Variants in BRIP1 observed in about 807,000 individuals in gnomAD.
BRIP1 encodes the protein BRCA1 interacting DNA helicase 1.
A neutral mutation model predicts 119.7 loss-of-function variants in BRIP1; 88 were observed. That is an observed-to-expected ratio of 0.74 (90% CI 0.62 to 0.88). The LOEUF (loss-of-function observed/expected upper bound fraction) is 0.88. BRIP1 is among the 40% of genes least tolerant of loss of function. BRIP1 has a pLI of 0.00. For missense variants in BRIP1, 1,259 were observed against 1,455.4 expected, an observed-to-expected ratio of 0.87 and a Z score of 2.20; for synonymous variants, 443 against 496.5, an observed-to-expected ratio of 0.89 and a Z score of 1.43.
At chr17:61,696,580 G>A (rs1429932847) in intron 17 of BRIP1, among the ~76,000 whole-genome samples, 1 of 151,690 alleles carries the variant, frequency 6.6e-6, no homozygotes, top group African/African-American at 2.4e-5. Flanking sequence ...ATTTGATCAT[G>A]AGGCTGAGGC....
Position 61,831,685 on chromosome 17 carries a change from C to T in BRIP1, c.627+15416G>A, listed in dbSNP as rs1369170354. On this transcript the variant is annotated intron_variant, in intron 6 of 19. Coordinates refer to ENST00000259008, the MANE Select transcript of BRIP1 (RefSeq NM_032043.3). The surrounding 1 kb of genome is among the most constrained non-coding windows in gnomAD (Gnocchi z 4.1). ...CACCTTTTGGCTATTGTGAATAACA[C>T]TCCTATGAACACTGGTGTACAAGTA... Among the ~76,000 whole-genome samples, 1 of 152,182 alleles carries T rather than the reference C, an allele frequency of 6.6e-6. No homozygotes were observed. The highest frequency in any genetic ancestry group is 2.4e-5 in the African/African-American group (1 of 41,450).
intron 17 of BRIP1, among the ~76,000 whole-genome samples, chr17:61,702,616 G>A (rs2061631452): frequency 6.6e-6 from 1 of 152,138 alleles, no homozygotes; most frequent in African/African-American, 2.4e-5. Context: ...CTCCATCCAT[G>A]TTGCTGCAAA....
rs1023561164 is a variant in BRIP1 at position 61,816,833 on chromosome 17, T to G, written c.628-8076A>C. ...GGAAAATATCTTCTTTAAATAAGAA[T>G]GCCAGCTAAGAATTGTAAATAAAAT... On this transcript the variant is annotated intron_variant, in intron 6 of 19. Transcript: ENST00000259008. The surrounding 1 kb of genome is among the most constrained non-coding windows in gnomAD (Gnocchi z 5.0). 7.9e-5 allele frequency among the ~76,000 whole-genome samples: 12 copies of G among 152,176 alleles called. No individual in the cohort carries two copies. Among genetic ancestry groups the G allele is most frequent in the African/African-American group, 2.7e-4 (11 of 41,434 alleles).
At position 61,738,921 on chromosome 17, in the gene BRIP1, C is replaced by T. The variant is rs7212423; in HGVS notation, c.2379+4092G>A. 0.77 allele frequency: 118,196 copies of T among 152,700 alleles called. 46,378 individuals are homozygous for T. The highest frequency in any genetic ancestry group is 0.84 in the African/African-American group (35,029 of 41,542). 9.5% of individuals were successfully genotyped at this position (152,700 alleles called of 1,614,324 possible). On this transcript the variant is annotated intron_variant, in intron 16 of 19. Transcript: ENST00000259008. This position sits in a 1 kb window ranked among gnomAD's most constrained non-coding sequence, Gnocchi z 4.2. ...AGAATTATAATCTTGATGATCCTTT[C>T]AGGCCTTGTTACTTTGTACGTATAA...
In BRIP1 at chr17:61,818,479, C is replaced by T. The variant is rs533693136; in HGVS notation, c.628-9722G>A. Among the ~76,000 whole-genome samples the T allele has an allele frequency of 1.6e-4, 24 of 152,252 alleles. No individual in the cohort carries two copies. The South Asian group carries it at 5.0e-3, about 32-fold the overall frequency. Reference sequence around the variant, plus strand: ...TTGATTAATTACAGAAAATAGGCCACATCATTTGGTAGATTTTAGGCTTCC... The same window carrying T: ...TTGATTAATTACAGAAAATAGGCCATATCATTTGGTAGATTTTAGGCTTCC... On this transcript the variant is annotated intron_variant, in intron 6 of 19. Transcript: ENST00000259008.
Position 61,860,791 on chromosome 17 carries a change from C to T in BRIP1, c.93+656G>A, listed in dbSNP as rs992335659. 6.6e-6 allele frequency among the ~76,000 whole-genome samples: 1 copy of T among 151,964 alleles called. No homozygotes were observed. The highest frequency in any genetic ancestry group is 1.5e-5 in the Non-Finnish European group (1 of 67,996). On this transcript the variant is annotated intron_variant, in intron 2 of 19. Coordinates refer to ENST00000259008, the MANE Select transcript of BRIP1 (RefSeq NM_032043.3). The surrounding 1 kb of genome is among the most constrained non-coding windows in gnomAD (Gnocchi z 4.1). Reference sequence around the variant, plus strand: ...GTATATTCATCCAATGGAATTTATACAACAATTAAAATGGATTAAGAATCA... The same window carrying T: ...GTATATTCATCCAATGGAATTTATATAACAATTAAAATGGATTAAGAATCA...
Position 61,722,293 on chromosome 17 carries a change from G to A in BRIP1, c.2380-6230C>T, listed in dbSNP as rs1415779458. On this transcript the variant is annotated intron_variant, in intron 16 of 19. Transcript: ENST00000259008. This position sits in a 1 kb window ranked among gnomAD's most constrained non-coding sequence, Gnocchi z 4.6. ...CCAGACCTGGTGATCCCTCTGCCTC[G>A]GCTTCCCAAAGGGCTGAGATTACAG... is the stretch of plus-strand genomic sequence containing the variant. 1.3e-5 allele frequency among the ~76,000 whole-genome samples: 2 copies of A among 151,854 alleles called. No homozygotes were observed. Among genetic ancestry groups the A allele is most frequent in the African/African-American group, 2.4e-5 (1 of 41,318 alleles).
At position 61,809,259 on chromosome 17, in the gene BRIP1, A is replaced by C. The variant is rs2078126954; in HGVS notation, c.628-502T>G. On this transcript the variant is annotated intron_variant, in intron 6 of 19. Coordinates refer to ENST00000259008, the MANE Select transcript of BRIP1 (RefSeq NM_032043.3). This position sits in a 1 kb window ranked among gnomAD's most constrained non-coding sequence, Gnocchi z 5.2. ...ATTATCAAGTTGAATCTAAAGGATC[A>C]CTTAACAACTTCAAAAAGAGAAAAT... 6.6e-6 allele frequency among the ~76,000 whole-genome samples: 1 copy of C among 152,214 alleles called. No individual in the cohort carries two copies. Among genetic ancestry groups the C allele is most frequent in the African/African-American group, 2.4e-5 (1 of 41,470 alleles).
rs940230898 is a variant in BRIP1 at position 61,701,629 on chromosome 17, C to A, written c.2493-8117G>T. On this transcript the variant is annotated intron_variant, in intron 17 of 19. Transcript: ENST00000259008. The surrounding 1 kb of genome is among the most constrained non-coding windows in gnomAD (Gnocchi z 5.1). ...TGCACTCTCCTACACATATGCATGGCCCACTAAAATCCCAGGAATATGTCA... is the reference window on the plus strand; with the variant it reads ...TGCACTCTCCTACACATATGCATGGACCACTAAAATCCCAGGAATATGTCA... 6.6e-6 allele frequency among the ~76,000 whole-genome samples: 1 copy of A among 152,192 alleles called. No individual in the cohort carries two copies. The highest frequency in any genetic ancestry group is 2.4e-5 in the African/African-American group (1 of 41,436).
At chr17:61,702,876 T>C (rs1057428373) in intron 17 of BRIP1, among the ~76,000 whole-genome samples, 1 of 152,044 alleles carries the variant, frequency 6.6e-6, no homozygotes, top group African/African-American at 2.4e-5. Context: ...CTTTCAGAAA[T>C]CAACAAACTG....
chr17:61,827,590 G>A lies in BRIP1; in HGVS notation c.628-18833C>T, dbSNP rs1049954627. ...TAAAAATACAAAAAATTAGCCAGGC[G>A]TGGGGGCACACACCTGTAATCCCAG... On this transcript the variant is annotated intron_variant, in intron 6 of 19. Transcript: ENST00000259008. This position sits in a 1 kb window ranked among gnomAD's most constrained non-coding sequence, Gnocchi z 5.8. 2.6e-5 allele frequency among the ~76,000 whole-genome samples: 4 copies of A among 152,030 alleles called. No homozygotes were observed. The highest frequency in any genetic ancestry group is 1.9e-4 in the East Asian group (1 of 5,176).
At chr17:61,792,944 T>C (rs989697040) in intron 10 of BRIP1, among the ~76,000 whole-genome samples, 12 of 152,190 alleles carry the variant, frequency 7.9e-5, no homozygotes, top group African/African-American at 2.9e-4. Context: ...TATAGGTGTG[T>C]AGCTGGGAGT....
In BRIP1 at chr17:61,729,887, C is replaced by T. The variant is rs945221671; in HGVS notation, c.2379+13126G>A. Among the ~76,000 whole-genome samples the T allele has an allele frequency of 6.6e-6, 1 of 151,942 alleles. No homozygotes were observed. The highest frequency in any genetic ancestry group is 1.5e-5 in the Non-Finnish European group (1 of 67,998). On this transcript the variant is annotated intron_variant, in intron 16 of 19. Transcript: ENST00000259008. This position sits in a 1 kb window ranked among gnomAD's most constrained non-coding sequence, Gnocchi z 5.6. Reference sequence around the variant, plus strand: ...GTGGGGGGTGTCTAGATCCCACTACCGGCATCTAGTGGGTAAATGCTAGAG... The same window carrying T: ...GTGGGGGGTGTCTAGATCCCACTACTGGCATCTAGTGGGTAAATGCTAGAG...
rs1259466832 is a variant in BRIP1, at chr17:61,734,019, C to A, written c.2379+8994G>T. 1.3e-5 allele frequency among the ~76,000 whole-genome samples: 2 copies of A among 152,074 alleles called. No homozygotes were observed. The highest frequency in any genetic ancestry group is 4.8e-5 in the African/African-American group (2 of 41,408). ...TCTTCAGAGAAGTAAAGGAACAATACCTACGAAGGAGAACTTTTCTATATA... is the reference window on the plus strand; with the variant it reads ...TCTTCAGAGAAGTAAAGGAACAATAACTACGAAGGAGAACTTTTCTATATA... On this transcript the variant is annotated intron_variant, in intron 16 of 19. Transcript: ENST00000259008. The surrounding 1 kb of genome is among the most constrained non-coding windows in gnomAD (Gnocchi z 5.2).
rs1246778436 is a variant in BRIP1 at position 61,767,760 on chromosome 17, C to A, written c.2097+8641G>T. Among the ~76,000 whole-genome samples the A allele has an allele frequency of 6.6e-6, 1 of 152,114 alleles. No homozygotes were observed. Among genetic ancestry groups the A allele is most frequent in the African/African-American group, 2.4e-5 (1 of 41,420 alleles). Reference sequence around the variant, plus strand: ...CCTATGTTTCTTTTATGAAACTCTGCAACCAGTCTTTACATTACATTTTCA... The same window carrying A: ...CCTATGTTTCTTTTATGAAACTCTGAAACCAGTCTTTACATTACATTTTCA... On this transcript the variant is annotated intron_variant, in intron 14 of 19. Coordinates refer to ENST00000259008, the MANE Select transcript of BRIP1 (RefSeq NM_032043.3). This position sits in a 1 kb window ranked among gnomAD's most constrained non-coding sequence, Gnocchi z 5.7.
rs2076956480 is a variant in BRIP1 at position 61,739,168 on chromosome 17, TAG to T, written c.2379+3843_2379+3844del. On this transcript the variant is annotated intron_variant, in intron 16 of 19. Transcript: ENST00000259008. This position sits in a 1 kb window ranked among gnomAD's most constrained non-coding sequence, Gnocchi z 6.0. ...ACAAAGCAGCCTTAGTGCAATAATG[TAG>T]AGCTAGAGTAAAATGATAAGACATT... 1 of 182,062 alleles carries T rather than the reference TAG, an allele frequency of 5.5e-6. No individual in the cohort carries two copies. Among genetic ancestry groups the T allele is most frequent in the Non-Finnish European group, 1.2e-5 (1 of 85,434 alleles). The allele number at this position is 182,062 out of a possible 1,614,324, so 11.3% of individuals were successfully genotyped here.
At position 61,760,931 on chromosome 17, in the gene BRIP1, G is replaced by A. The variant is rs375925137; in HGVS notation, c.2097+15470C>T. Among the ~76,000 whole-genome samples, 16 of 151,936 alleles carry A rather than the reference G, an allele frequency of 1.1e-4. No individual in the cohort carries two copies. The highest frequency in any genetic ancestry group is 3.9e-4 in the African/African-American group (16 of 41,548). On this transcript the variant is annotated intron_variant, in intron 14 of 19. Transcript: ENST00000259008. The surrounding 1 kb of genome is among the most constrained non-coding windows in gnomAD (Gnocchi z 4.6). ...ACCAGCATTATCACCCTGATACCAA[G>A]GCCAGATAAGGACAATACAAGAAAA...
Position 61,856,980 on chromosome 17 carries a change from T to C in BRIP1, c.379+78A>G, listed in dbSNP as rs995311687. On this transcript the variant is annotated intron_variant, in intron 4 of 19. Transcript: ENST00000259008. This position sits in a 1 kb window ranked among gnomAD's most constrained non-coding sequence, Gnocchi z 5.1. ...TAATCAGTTATGCTAACCAAACTTA[T>C]ATAAATTAGGGCTTATAACAGTAAT... The C allele has an allele frequency of 2.8e-6, 4 of 1,410,306 alleles. No individual in the cohort carries two copies. The highest frequency in any genetic ancestry group is 2.8e-5 in the African/African-American group (2 of 70,642). The allele number at this position is 1,410,306 out of a possible 1,614,324, so 87.4% of individuals were successfully genotyped here.
Position 61,834,560 on chromosome 17 carries a change from G to T in BRIP1, c.627+12541C>A, listed in dbSNP as rs1411757644. Among the ~76,000 whole-genome samples, 3 of 152,066 alleles carry T rather than the reference G, an allele frequency of 2.0e-5. No individual in the cohort carries two copies. Among genetic ancestry groups the T allele is most frequent in the African/African-American group, 7.2e-5 (3 of 41,386 alleles). ...ATAAGCTCCCTTTCAAGGTTACTTT[G>T]TAGCTCTTCCTACCAAGATGTGAGC... On this transcript the variant is annotated intron_variant, in intron 6 of 19. Coordinates refer to ENST00000259008, the MANE Select transcript of BRIP1 (RefSeq NM_032043.3). This position sits in a 1 kb window ranked among gnomAD's most constrained non-coding sequence, Gnocchi z 4.4.
Sources: allele counts gnomAD v4.1 joint callset (sites outside exome capture counted in the v4.1 genomes callset), GRCh38; gene constraint gnomAD v4.1.1; non-coding constraint Gnocchi (gnomAD v3.1); transcripts MANE v1.5; gene names NCBI Gene and HGNC (gene_info 2026-07-23, HGNC 2026-07-21).